Variants in DISP1 observed in about 807,000 individuals in gnomAD.
DISP1 encodes the protein dispatched RND transporter family member 1, also known as protein dispatched homolog 1.
In DISP1, 30 loss-of-function variants were observed where a neutral mutation model predicts 37.3. The ratio of observed to expected loss-of-function variants is 0.80; its 90% CI spans 0.60 to 1.09. The LOEUF (loss-of-function observed/expected upper bound fraction) is 1.09. DISP1 is among the 50% of genes least tolerant of loss of function. The pLI, the probability that DISP1 is intolerant of heterozygous loss-of-function variation, is 0.00. For synonymous variants in DISP1, 634 were observed against 690.2 expected, an observed-to-expected ratio of 0.92 and a Z score of 1.28; for missense variants, 1,598 against 1,879.5, an observed-to-expected ratio of 0.85 and a Z score of 2.77.
intron 1 of DISP1, among the ~76,000 whole-genome samples, chr1:222,888,656 G>A (rs1339714889): frequency 6.6e-6 from 1 of 152,112 alleles, no homozygotes; most frequent in Non-Finnish European, 1.5e-5. Context: ...AAGCAAGCCA[G>A]AAAGTATTTA....
chr1:222,940,759 A>AG (rs1189186335), intron 2 of DISP1, among the ~76,000 whole-genome samples: 3 of 152,230 alleles, frequency 2.0e-5, no homozygotes, highest in African/African-American at 7.2e-5. Context: ...TTAGCCCAGC[A>AG]GATTCCCATC....
intron 1 of DISP1, among the ~76,000 whole-genome samples, chr1:222,843,339 A>G (rs539468609): frequency 1.3e-5 from 2 of 152,234 alleles, no homozygotes; most frequent in South Asian, 2.1e-4. Context: ...TACTTCTGAA[A>G]TAAGTGACAT....
chr1:222,821,880 A>G (rs1307951941), intron 1 of DISP1, among the ~76,000 whole-genome samples: 1 of 69,690 alleles, frequency 1.4e-5, no homozygotes, highest in African/African-American at 4.8e-5. Flanking sequence ...CTCCATCTCA[A>G]AAAAAAAAAA....
chr1:223,002,978 C>T lies in DISP1; in HGVS notation c.1581C>T (p.Ile527=). Residue 527 remains isoleucine, a synonymous_variant, in exon 9 of 9, where the codon ATC becomes ATT. Transcript: ENST00000675850. ...GTGTCTACACCAAGTCCATGTTTATCACTCTGATGACAATGTTTGCAATAA... is the reference window on the plus strand; with the variant it reads ...GTGTCTACACCAAGTCCATGTTTATTACTCTGATGACAATGTTTGCAATAA... ...VMCVYTKSMF[I]TLMTMFAIIS... is the part of the protein sequence containing the mutation. The T allele has an allele frequency of 6.2e-7, 1 of 1,613,880 alleles. No homozygotes were observed. The highest frequency in any genetic ancestry group is 8.5e-7 in the Non-Finnish European group (1 of 1,180,016).
intron 1 of DISP1, among the ~76,000 whole-genome samples, chr1:222,829,706 T>TGCTAGG (rs1353481025): frequency 3.3e-5 from 5 of 152,182 alleles, no homozygotes; most frequent in Non-Finnish European, 5.9e-5. Context: ...CCTTCCAAAG[T>TGCTAGG]GCTAGGATTA....
At chr1:222,961,385 T>C (rs1027227487) in intron 3 of DISP1, among the ~76,000 whole-genome samples, 1 of 152,160 alleles carries the variant, frequency 6.6e-6, no homozygotes, top group Non-Finnish European at 1.5e-5. Context: ...ATTATCTCAA[T>C]AGATACAGAA....
chr1:222,843,563 TGG>T (rs34720346), intron 1 of DISP1, among the ~76,000 whole-genome samples: 12 of 146,128 alleles, frequency 8.2e-5, no homozygotes, highest in Non-Finnish European at 1.4e-4. Context: ...TAATGAAGGA[TGG>T]GGGGGGGAAA....
intron 1 of DISP1, among the ~76,000 whole-genome samples, chr1:222,867,745 C>A (rs1482020883): frequency 6.6e-6 from 1 of 152,026 alleles, no homozygotes; most frequent in African/African-American, 2.4e-5. Context: ...TCAGGTGTAT[C>A]TTTGTTGTAA....
At chr1:222,900,741 A>G (rs1017649071) in intron 1 of DISP1, among the ~76,000 whole-genome samples, 2 of 152,348 alleles carry the variant, frequency 1.3e-5, no homozygotes, top group Middle Eastern at 3.4e-3. Context: ...AGTGAAGTCA[A>G]TGATGTTTTC....
intron 1 of DISP1, among the ~76,000 whole-genome samples, chr1:222,821,125 T>G (rs1662766549): frequency 6.6e-6 from 1 of 152,196 alleles, no homozygotes; most frequent in African/African-American, 2.4e-5. Flanking sequence ...TGTTTTTGAA[T>G]GAACAATGCA....
In DISP1 at chr1:223,005,161, C is replaced by G; in HGVS notation, c.3764C>G (p.Pro1255Arg). 4 of 1,614,208 alleles carry G rather than the reference C, an allele frequency of 2.5e-6. No homozygotes were observed. Among genetic ancestry groups the G allele is most frequent in the Non-Finnish European group, 3.4e-6 (4 of 1,180,030 alleles). ...SDAGSALLQP[P>R]LEQHTVCHFF... Reference sequence around the variant, plus strand: ...GCTGGCTCTGCCTTGTTACAGCCCCCTCTTGAACAGCATACCGTGTGTCAC... The same window carrying G: ...GCTGGCTCTGCCTTGTTACAGCCCCGTCTTGAACAGCATACCGTGTGTCAC... The change falls in exon 9 of 9, where the codon CCT becomes CGT. Residue 1255 changes from proline to arginine, a missense_variant. Physicochemically the swap from Pro to Arg is moderately radical, Grantham distance 103 (BLOSUM62 -2). Coordinates refer to ENST00000675850, the MANE Select transcript of DISP1 (RefSeq NM_001377229.1).
chr1:222,904,091 T>C (rs1196674197), intron 1 of DISP1, among the ~76,000 whole-genome samples: 3 of 152,212 alleles, frequency 2.0e-5, no homozygotes, highest in Non-Finnish European at 4.4e-5. Context: ...ATTTCCCTAA[T>C]TGGGAAGGAT....
At chr1:222,991,079 A>C (rs1678665897) in intron 5 of DISP1, among the ~76,000 whole-genome samples, 1 of 152,240 alleles carries the variant, frequency 6.6e-6, no homozygotes, top group African/African-American at 2.4e-5. Flanking sequence ...AAGTTAAAGG[A>C]ATTTCAGTAT....
Position 223,004,187 on chromosome 1 carries a change from C to T in DISP1, c.2790C>T (p.Thr930=), listed in dbSNP as rs137965889. The change falls in exon 9 of 9, where the codon ACC becomes ACT. Residue 930 remains threonine, a synonymous_variant. Transcript: ENST00000675850. The surrounding 1 kb of genome is among the most constrained non-coding windows in gnomAD (Gnocchi z 4.9). ...IRAVVLEFQS[T]YLFTLAYEKM... Reference sequence around the variant, plus strand: ...CAGTGGTGTTAGAGTTCCAGAGTACCTACCTCTTCACACTGGCTTATGAAA... The same window carrying T: ...CAGTGGTGTTAGAGTTCCAGAGTACTTACCTCTTCACACTGGCTTATGAAA... The T allele has an allele frequency of 1.2e-6, 2 of 1,614,060 alleles. No individual in the cohort carries two copies. The highest frequency in any genetic ancestry group is 1.7e-5 in the Admixed American group (1 of 60,002).
chr1:222,886,964 C>T (rs1249722755), intron 1 of DISP1, among the ~76,000 whole-genome samples: 2 of 152,120 alleles, frequency 1.3e-5, no homozygotes, highest in East Asian at 3.8e-4. Context: ...ATTTTTTGGG[C>T]ACTGGCATGT....
At chr1:222,915,524 A>T (rs1178908438) in intron 1 of DISP1, among the ~76,000 whole-genome samples, 1 of 152,258 alleles carries the variant, frequency 6.6e-6, no homozygotes, top group Non-Finnish European at 1.5e-5. Flanking sequence ...TACTTAGGTC[A>T]TTAGAATTCT....
At chr1:222,932,110 C>T (rs1673438122) in intron 2 of DISP1, among the ~76,000 whole-genome samples, 1 of 151,880 alleles carries the variant, frequency 6.6e-6, no homozygotes, top group Non-Finnish European at 1.5e-5. Flanking sequence ...GCATTTCAAG[C>T]AATATTTTCA....
At chr1:222,961,592 A>T (rs1347362794) in intron 3 of DISP1, among the ~76,000 whole-genome samples, 1 of 152,214 alleles carries the variant, frequency 6.6e-6, no homozygotes, top group South Asian at 2.1e-4. Context: ...ACTCCTATTC[A>T]ATATAGTATT....
intron 3 of DISP1, among the ~76,000 whole-genome samples, chr1:222,974,515 C>T (rs1212795292): frequency 5.9e-5 from 9 of 152,100 alleles, no homozygotes; most frequent in Admixed American, 5.2e-4. Flanking sequence ...ATGTTAGTCC[C>T]GCCATTCCCA....
Sources: gnomAD v4.1 joint callset for allele counts (sites outside exome capture counted in the v4.1 genomes callset) on GRCh38, gnomAD v4.1.1 for gene constraint, Gnocchi (gnomAD v3.1) non-coding constraint, MANE v1.5 for transcripts, NCBI Gene and HGNC (gene_info 2026-07-23, HGNC 2026-07-21) for gene names.